HERC1: variants seen among roughly 807,000 people sequenced by gnomAD.
HERC1 encodes the protein probable E3 ubiquitin-protein ligase HERC1.
HERC1 carries 160 observed loss-of-function variants against 554.3 expected under a neutral mutation model. The ratio of observed to expected loss-of-function variants is 0.29; its 90% CI spans 0.25 to 0.33. HERC1 has a LOEUF of 0.33. Ranked by LOEUF, HERC1 falls within the 10% of genes least tolerant of loss-of-function variation. The probability of loss-of-function intolerance (pLI) is 1.00; values close to 1 mark genes in which losing one functional copy is unlikely to be tolerated. For synonymous variants in HERC1, 2,175 were observed against 2,131.7 expected (o/e 1.02, Z -0.56); for missense variants, 4,919 against 5,918.5 (o/e 0.83, Z 5.54).
At chr15:63,789,206 T>A (rs999678576) in intron 1 of HERC1, among the ~76,000 whole-genome samples, 1 of 137,610 alleles carries the variant, frequency 7.3e-6, no homozygotes, top group Non-Finnish European at 1.5e-5. Flanking sequence ...TTCTCCTGCC[T>A]CAGCCTCCCA....
rs142480754 is a variant in HERC1, at chr15:63,674,409, T to C, written c.7779A>G (p.Gln2593=). ...ALGLADLERA[Q]AMIYKLVVHG... The stretch of plus-strand genomic sequence containing the variant: ...GAACCACTAATTTATAGATCATGGC[T>C]TGCGCTCGTTCCAGATCAGCTAATC... The change falls in exon 38 of 78, where the codon CAA becomes CAG. Residue 2593 remains glutamine (Q), a synonymous_variant. Transcript: ENST00000443617. 6.2e-7 allele frequency: 1 copy of C among 1,613,880 alleles called. No individual in the cohort carries two copies. The highest frequency in any genetic ancestry group is 2.2e-5 in the East Asian group (1 of 44,858).
At position 63,718,938 on chromosome 15, in the gene HERC1, GA is replaced by G. The variant is rs1226038751; in HGVS notation, c.3743-42del. 2 of 1,400,564 alleles carry G rather than the reference GA, an allele frequency of 1.4e-6. No individual in the cohort carries two copies. The highest frequency in any genetic ancestry group is 2.9e-5 in the African/African-American group (2 of 69,978). The allele number at this position is 1,400,564 out of a possible 1,614,324, so 86.8% of individuals were successfully genotyped here. The stretch of plus-strand genomic sequence containing the variant: ...ATGCATTGACATTTAAAAGGGCTCA[GA>G]AAACAGTTCAGAGGTAATTTTTATA... On this transcript the variant is annotated intron_variant, in intron 19 of 77. Coordinates refer to ENST00000443617, the MANE Select transcript of HERC1 (RefSeq NM_003922.4). The surrounding 1 kb of genome is among the most constrained non-coding windows in gnomAD (Gnocchi z 4.2).
At chr15:63,786,667 T>C (rs1413660872) in intron 1 of HERC1, among the ~76,000 whole-genome samples, 1 of 152,218 alleles carries the variant, frequency 6.6e-6, no homozygotes, top group African/African-American at 2.4e-5. Flanking sequence ...ATATAATGTA[T>C]GATTCTATTT....
intron 1 of HERC1, among the ~76,000 whole-genome samples, chr15:63,804,128 T>C (rs1206578472): frequency 1.3e-5 from 2 of 152,024 alleles, no homozygotes; most frequent in Non-Finnish European, 2.9e-5. Context: ...TATACAAAAA[T>C]CAACTCAAAA....
At chr15:63,660,931 T>TA (rs984974436) in intron 46 of HERC1, 42 bp downstream of exon 46, 8 of 1,209,774 alleles carry the variant, frequency 6.6e-6, no homozygotes, top group Admixed American at 3.4e-5. Flanking sequence ...AGAGGATATA[T>TA]AAAAAAACAT....
At chr15:63,819,926 T>C (rs2077626564) in intron 1 of HERC1, among the ~76,000 whole-genome samples, 1 of 152,224 alleles carries the variant, frequency 6.6e-6, no homozygotes. Context: ...AATAAGGTTT[T>C]ACCCCATAAG....
intron 14 of HERC1, among the ~76,000 whole-genome samples, chr15:63,731,210 A>G (rs1171027522): frequency 1.3e-5 from 2 of 152,192 alleles, no homozygotes; most frequent in Non-Finnish European, 2.9e-5. Context: ...TCCTGTAAAT[A>G]ATCATGTGCT....
chr15:63,736,755 C>T (rs545722170), intron 12 of HERC1, among the ~76,000 whole-genome samples: 8 of 152,110 alleles, frequency 5.3e-5, no homozygotes, highest in South Asian at 4.2e-4. Flanking sequence ...TACAGGCATG[C>T]GCCACCATGC....
intron 2 of HERC1, among the ~76,000 whole-genome samples, chr15:63,767,859 G>A (rs2075831853): frequency 6.6e-6 from 1 of 152,194 alleles, no homozygotes; most frequent in Non-Finnish European, 1.5e-5. Flanking sequence ...TGAAGTCCAT[G>A]TGAATGACTT....
At chr15:63,811,102 T>C (rs1386787794) in intron 1 of HERC1, among the ~76,000 whole-genome samples, 1 of 152,108 alleles carries the variant, frequency 6.6e-6, no homozygotes, top group South Asian at 2.1e-4. Context: ...TGTGATTGGA[T>C]CCTGGACCCG....
At chr15:63,815,723 C>T (rs1015307660) in intron 1 of HERC1, among the ~76,000 whole-genome samples, 30 of 152,156 alleles carry the variant, frequency 2.0e-4, no homozygotes, top group African/African-American at 7.0e-4. Context: ...ATCCTCTAAC[C>T]TAACATGTTA....
At chr15:63,701,804 G>A (rs985542841) in intron 25 of HERC1, among the ~76,000 whole-genome samples, 5 of 151,888 alleles carry the variant, frequency 3.3e-5, no homozygotes, top group African/African-American at 1.2e-4. Flanking sequence ...AAATGGGAGA[G>A]GAAAGAACTT....
chr15:63,783,357 C>CA (rs2076342475), intron 1 of HERC1, among the ~76,000 whole-genome samples: 1 of 151,926 alleles, frequency 6.6e-6, no homozygotes. Context: ...CCTCCATGAG[C>CA]AAAAAGATTA....
At position 63,608,901 on chromosome 15, in the gene HERC1, A is replaced by C; in HGVS notation, c.*180T>G. 1 of 507,918 alleles carries C rather than the reference A, an allele frequency of 2.0e-6. No individual in the cohort carries two copies. Among genetic ancestry groups the C allele is most frequent in the Non-Finnish European group, 3.2e-6 (1 of 315,624 alleles). 31.5% of individuals were successfully genotyped at this position (507,918 alleles called of 1,614,324 possible). A position where few individuals can be genotyped will look rare whatever the true frequency, so the allele number is the denominator to read the frequency against. Reference sequence around the variant, plus strand: ...TCGTTTTTGTTGTTTTTGTACAATCACAGAAAAATAAAAACATCTAATTTC... The same window carrying C: ...TCGTTTTTGTTGTTTTTGTACAATCCCAGAAAAATAAAAACATCTAATTTC... On this transcript the variant is annotated 3_prime_UTR_variant, in exon 78 of 78. Coordinates refer to ENST00000443617, the MANE Select transcript of HERC1 (RefSeq NM_003922.4).
At chr15:63,818,679 A>C (rs927169377) in intron 1 of HERC1, among the ~76,000 whole-genome samples, 2 of 152,218 alleles carry the variant, frequency 1.3e-5, no homozygotes, top group Non-Finnish European at 2.9e-5. Flanking sequence ...ATCTTAGACC[A>C]ATTTAAATTA....
intron 3 of HERC1, among the ~76,000 whole-genome samples, chr15:63,762,024 G>C (rs946850291): frequency 6.6e-6 from 1 of 152,158 alleles, no homozygotes; most frequent in East Asian, 1.9e-4. Context: ...AGCATTTCTA[G>C]CACCCTGATT....
chr15:63,617,731 G>C (rs55640532), intron 74 of HERC1, among the ~76,000 whole-genome samples: 68,680 of 151,958 alleles, frequency 0.45, 16,582 homozygotes, highest in Non-Finnish European at 0.54. Flanking sequence ...TTTCATTGTG[G>C]TTTTGATTTG....
intron 7 of HERC1, 38 bp downstream of exon 7, chr15:63,754,467 A>C (rs752625051): frequency 6.6e-7 from 1 of 1,521,820 alleles, no homozygotes; most frequent in Non-Finnish European, 8.8e-7. Context: ...AAACTCAAGA[A>C]AAAAGCCAAA....
At position 63,758,507 on chromosome 15, in the gene HERC1, A is replaced by C. The variant is rs2075503955; in HGVS notation, c.1027-138T>G. 3.4e-6 allele frequency: 2 copies of C among 594,150 alleles called. No individual in the cohort carries two copies. Among genetic ancestry groups the C allele is most frequent in the Non-Finnish European group, 2.8e-6 (1 of 352,664 alleles). 36.8% of individuals were successfully genotyped at this position (594,150 alleles called of 1,614,324 possible). ...TCAAAGAACCTATTAAATAAAGATA[A>C]CTAGACTATTTACTCATATGGAATA... On this transcript the variant is annotated intron_variant, in intron 3 of 77. Coordinates refer to ENST00000443617, the MANE Select transcript of HERC1 (RefSeq NM_003922.4). This position sits in a 1 kb window ranked among gnomAD's most constrained non-coding sequence, Gnocchi z 4.0.
Sources: gnomAD v4.1 joint callset for allele counts (sites outside exome capture counted in the v4.1 genomes callset) on GRCh38, gnomAD v4.1.1 for gene constraint, Gnocchi (gnomAD v3.1) non-coding constraint, MANE v1.5 for transcripts, NCBI Gene and HGNC (gene_info 2026-07-23, HGNC 2026-07-21) for gene names.